The following PRCP variants were observed in gnomAD, a reference collection of about 807,000 sequenced individuals.
PRCP encodes lysosomal Pro-X carboxypeptidase.
PRCP carries 46 observed loss-of-function variants against 54.2 expected under a neutral mutation model. The ratio of observed to expected loss-of-function variants is 0.85; its 90% CI spans 0.67 to 1.09. The LOEUF (loss-of-function observed/expected upper bound fraction) is 1.09. Ranked by LOEUF, PRCP falls within the 50% of genes least tolerant of loss-of-function variation. The probability of loss-of-function intolerance (pLI) is 0.00; values close to 1 mark genes in which losing one functional copy is unlikely to be tolerated. For synonymous variants in PRCP, 240 were observed against 212.2 expected, an observed-to-expected ratio of 1.13 and a Z score of -1.14; for missense variants, 613 against 596.8, an observed-to-expected ratio of 1.03 and a Z score of -0.28.
intron 7 of PRCP, among the ~76,000 whole-genome samples, chr11:82,838,838 C>G (rs1858592755): frequency 6.6e-6 from 1 of 152,186 alleles, no homozygotes; most frequent in Non-Finnish European, 1.5e-5. Context: ...ATTTAACCCT[C>G]AAAACAACTC....
Position 82,860,039 on chromosome 11 carries a change from C to A in PRCP, c.247G>T (p.Gly83Cys), listed in dbSNP as rs750242829. Reference sequence around the variant, plus strand: ...CCAGTGTAGAAAAGTATTGATCCACCATTTTTCTTCCAGTATTTATCAGCT... The same window carrying A: ...CCAGTGTAGAAAAGTATTGATCCACAATTTTTCTTCCAGTATTTATCAGCT... ...LVADKYWKKN[G>C]GSILFYTGNE... Residue 83 changes from glycine (G) to cysteine (C), a missense_variant, in exon 2 of 9, where the codon GGT becomes TGT. Transcript: ENST00000313010. 9 of 1,591,210 alleles carry A rather than the reference C, an allele frequency of 5.7e-6. No individual in the cohort carries two copies. The African/African-American group carries it at 1.1e-4, about 19-fold the overall frequency.
intron 1 of PRCP, among the ~76,000 whole-genome samples, chr11:82,877,084 T>C (rs1474884765): frequency 6.6e-6 from 1 of 152,174 alleles, no homozygotes; most frequent in Non-Finnish European, 1.5e-5. Flanking sequence ...TCTTGTTATG[T>C]TTTAGTAAAG....
chr11:82,874,894 G>A (rs1375720540), intron 1 of PRCP, among the ~76,000 whole-genome samples: 1 of 151,894 alleles, frequency 6.6e-6, no homozygotes, highest in African/African-American at 2.4e-5. Flanking sequence ...CCTTCATGAA[G>A]CATTCCTGCC....
At chr11:82,873,993 C>A (rs975261346) in intron 1 of PRCP, among the ~76,000 whole-genome samples, 1 of 152,184 alleles carries the variant, frequency 6.6e-6, no homozygotes, top group African/African-American at 2.4e-5. Context: ...GACTTTTTAT[C>A]ATTATCTTAA....
At chr11:82,857,127 G>A (rs1045560774) in intron 2 of PRCP, among the ~76,000 whole-genome samples, 1 of 151,922 alleles carries the variant, frequency 6.6e-6, no homozygotes, top group African/African-American at 2.4e-5. Flanking sequence ...CTACTCATAG[G>A]CATTGACAAC....
intron 1 of PRCP, among the ~76,000 whole-genome samples, chr11:82,890,011 T>G (rs1269155392): frequency 6.6e-6 from 1 of 151,566 alleles, no homozygotes; most frequent in Non-Finnish European, 1.5e-5. Context: ...ATCACTCCCT[T>G]GCATGCAATT....
At chr11:82,890,503 T>C (rs138224773) in intron 1 of PRCP, among the ~76,000 whole-genome samples, 1 of 152,326 alleles carries the variant, frequency 6.6e-6, no homozygotes, top group Non-Finnish European at 1.5e-5. Flanking sequence ...ATTTCTTTCT[T>C]GTTCCGTCAC....
intron 6 of PRCP, among the ~76,000 whole-genome samples, chr11:82,843,719 A>C (rs1292082573): frequency 6.6e-6 from 1 of 152,228 alleles, no homozygotes; most frequent in Non-Finnish European, 1.5e-5. Context: ...ATGCGCTGAA[A>C]TGTGAATAGC....
intron 1 of PRCP, among the ~76,000 whole-genome samples, chr11:82,892,975 A>AGGTG (rs1262220578): frequency 1.3e-5 from 2 of 152,210 alleles, no homozygotes; most frequent in African/African-American, 4.8e-5. Flanking sequence ...GTAGGTAGGT[A>AGGTG]GGTGGGTGGG....
intron 1 of PRCP, among the ~76,000 whole-genome samples, chr11:82,876,535 AC>A (rs1240013108): frequency 5.3e-5 from 8 of 152,126 alleles, no homozygotes; most frequent in African/African-American, 1.9e-4. Context: ...TGTGGGAGAG[AC>A]CGGGGGGAGG....
chr11:82,848,581 C>T (rs1858867946), intron 6 of PRCP, among the ~76,000 whole-genome samples: 2 of 152,206 alleles, frequency 1.3e-5, no homozygotes, highest in Admixed American at 6.6e-5. Context: ...TGGGGTCACT[C>T]TTCACACTGA....
chr11:82,867,393 A>G (rs1277828671), intron 1 of PRCP, among the ~76,000 whole-genome samples: 1 of 152,218 alleles, frequency 6.6e-6, no homozygotes, highest in Non-Finnish European at 1.5e-5. Flanking sequence ...TTACTGCTAA[A>G]ACAGAGGTGA....
At chr11:82,841,618 T>C (rs1336841769) in intron 6 of PRCP, among the ~76,000 whole-genome samples, 1 of 152,212 alleles carries the variant, frequency 6.6e-6, no homozygotes, top group African/African-American at 2.4e-5. Context: ...AATAATTGGA[T>C]ATATCTTTCA....
intron 2 of PRCP, among the ~76,000 whole-genome samples, chr11:82,858,983 C>A (rs774314649): frequency 5.3e-5 from 8 of 152,176 alleles, no homozygotes; most frequent in Non-Finnish European, 1.0e-4. Context: ...CATATCTTTA[C>A]TTTAAATTCA....
At chr11:82,874,784 TG>T (rs1252924451) in intron 1 of PRCP, among the ~76,000 whole-genome samples, 1 of 150,840 alleles carries the variant, frequency 6.6e-6, no homozygotes, top group East Asian at 1.9e-4. Flanking sequence ...TCTAACAGGG[TG>T]GTCAGAAAAG....
rs1481531029 is a variant in PRCP, at chr11:82,822,948, T to C, written c.*1958A>G. The stretch of plus-strand genomic sequence containing the variant: ...AAGTCTCCATGTCTCTCTTTCCCTG[T>C]CAGTAAAAAGTGCAGTTTTATTAGA... On this transcript the variant is annotated 3_prime_UTR_variant, in exon 9 of 9. Transcript: ENST00000313010. Among the ~76,000 whole-genome samples, 1 of 152,198 alleles carries C rather than the reference T, an allele frequency of 6.6e-6. No individual in the cohort carries two copies. Among genetic ancestry groups the C allele is most frequent in the African/African-American group, 2.4e-5 (1 of 41,452 alleles).
intron 1 of PRCP, among the ~76,000 whole-genome samples, chr11:82,869,355 C>CAAA (rs36024787): frequency 3.7e-5 from 3 of 80,458 alleles, no homozygotes; most frequent in East Asian, 3.9e-4. Flanking sequence ...GACTCCATCT[C>CAAA]AAAAAAAAAA....
At chr11:82,855,230 C>G (rs529502743) in intron 2 of PRCP, among the ~76,000 whole-genome samples, 223 of 152,338 alleles carry the variant, frequency 1.5e-3, no homozygotes, top group African/African-American at 5.2e-3. Context: ...AAACTATCAA[C>G]AGAGTAAACA....
At position 82,838,439 on chromosome 11, in the gene PRCP, T is replaced by C. The variant is rs1393743129; in HGVS notation, c.1222A>G (p.Thr408Ala). 1 of 1,613,938 alleles carries C rather than the reference T, an allele frequency of 6.2e-7. No homozygotes were observed. Among genetic ancestry groups the C allele is most frequent in the Non-Finnish European group, 8.5e-7 (1 of 1,179,948 alleles). Residue 408 changes from threonine to alanine, a missense_variant, in exon 8 of 9, where the codon ACT (threonine) becomes GCT (alanine). Thr to Ala is a moderately conservative substitution (Grantham distance 58). Transcript: ENST00000313010. Reference sequence around the variant, plus strand: ...ATGTTTTTGCCTCCATACATAGTAGTGATCCAGGAGGGCCTTGGTCTCACA... The same window carrying C: ...ATGTTTTTGCCTCCATACATAGTAGCGATCCAGGAGGGCCTTGGTCTCACA... The part of the protein sequence containing the change: ...WGVRPRPSWI[T>A]TMYGGKNISS...
Sources: allele counts gnomAD v4.1 joint callset (sites outside exome capture counted in the v4.1 genomes callset), GRCh38; gene constraint gnomAD v4.1.1; transcripts MANE v1.5; gene names NCBI Gene and HGNC (gene_info 2026-07-23, HGNC 2026-07-21).